ZCWPW2: variants seen among roughly 807,000 people sequenced by gnomAD.
The protein encoded by ZCWPW2 is zinc finger CW-type PWWP domain protein 2.
ZCWPW2 carries 45 observed loss-of-function variants against 46.6 expected under a neutral mutation model. The observed-to-expected ratio is 0.96, with a 90% CI of 0.76 to 1.24. The LOEUF (loss-of-function observed/expected upper bound fraction) is 1.24, where lower values mean the gene tolerates loss of function less well. Among genes scored for constraint, ZCWPW2 ranks in the 50% most tolerant of loss-of-function variants. The pLI is 0.00. For synonymous variants in ZCWPW2, 152 were observed against 137.1 expected, an observed-to-expected ratio of 1.11 and a Z score of -0.76; for missense variants, 429 against 403.9, an observed-to-expected ratio of 1.06 and a Z score of -0.53.
chr3:28,512,338 T>C (rs931700691), intron 6 of ZCWPW2, among the ~76,000 whole-genome samples: 1 of 152,008 alleles, frequency 6.6e-6, no homozygotes, highest in African/African-American at 2.4e-5. Context: ...CCACCATGCC[T>C]GGCTGATTTT....
At chr3:28,447,804 G>A (rs1041057124) in intron 4 of ZCWPW2, 2 of 858,002 alleles carry the variant, frequency 2.3e-6, no homozygotes, top group Admixed American at 1.7e-5. Flanking sequence ...TGAACCCCTG[G>A]CAATAGAATT....
chr3:28,362,090 G>C lies in ZCWPW2; in HGVS notation c.-134+12887G>C, dbSNP rs549960142. 2.0e-5 allele frequency among the ~76,000 whole-genome samples: 3 copies of C among 152,024 alleles called. No homozygotes were observed. In the South Asian group the frequency reaches 6.2e-4, roughly 32 times the overall value. ...CTATATTCTCGTGTTCATTGCAGTC[G>C]CTCACAGTGACCAAAAGGTGGATAC... On this transcript the variant is annotated intron_variant, in intron 1 of 9. Coordinates refer to ENST00000383768, the MANE Select transcript of ZCWPW2 (RefSeq NM_001040432.4).
intron 4 of ZCWPW2, among the ~76,000 whole-genome samples, chr3:28,448,447 AGAAAT>A (rs1430473393): frequency 6.6e-6 from 1 of 152,168 alleles, no homozygotes; most frequent in African/African-American, 2.4e-5. Flanking sequence ...ATAAATAAAT[AGAAAT>A]ATGTTCCATG....
chr3:28,405,595 C>A (rs967649478), intron 2 of ZCWPW2, among the ~76,000 whole-genome samples: 12 of 152,142 alleles, frequency 7.9e-5, no homozygotes, highest in Non-Finnish European at 5.9e-5. Flanking sequence ...CCTGCCTCAG[C>A]CTCCCAAGTA....
At chr3:28,492,276 A>G (rs1470248975) in intron 6 of ZCWPW2, 103 bp downstream of exon 6, 2 of 1,068,700 alleles carry the variant, frequency 1.9e-6, no homozygotes, top group Non-Finnish European at 2.6e-6. Context: ...ATGACATACA[A>G]TCCATTTTTT....
chr3:28,407,436 T>A (rs1696210550), intron 2 of ZCWPW2, among the ~76,000 whole-genome samples: 1 of 152,226 alleles, frequency 6.6e-6, no homozygotes, highest in South Asian at 2.1e-4. Flanking sequence ...TTTGAATTGA[T>A]GTTTAAAGTC....
chr3:28,370,148 C>G (rs948064746), intron 1 of ZCWPW2, among the ~76,000 whole-genome samples: 1 of 152,168 alleles, frequency 6.6e-6, no homozygotes, highest in African/African-American at 2.4e-5. Flanking sequence ...ATGCTTGGTG[C>G]GCTGCACCCA....
chr3:28,466,086 A>G (rs570771770), intron 4 of ZCWPW2, among the ~76,000 whole-genome samples: 1 of 152,352 alleles, frequency 6.6e-6, no homozygotes, highest in Admixed American at 6.5e-5. Context: ...CAGAAAGCCA[A>G]ATACTGCATG....
At chr3:28,524,365 A>G (rs1700799907) in intron 9 of ZCWPW2, among the ~76,000 whole-genome samples, 162 bp from the exon 10 acceptor site, 1 of 152,096 alleles carries the variant, frequency 6.6e-6, no homozygotes, top group African/African-American at 2.4e-5. Context: ...ATATTAACAC[A>G]TTCATCCTGC....
Position 28,450,737 on chromosome 3 carries a change from A to G in ZCWPW2, c.492+15468A>G, listed in dbSNP as rs73825166. ...TAAGATATTCCTATATACATATAGA[A>G]CTATTTTGGGGGGTACCAGAGATCA... is the stretch of plus-strand genomic sequence containing the variant. On this transcript the variant is annotated intron_variant, in intron 4 of 9. Transcript: ENST00000383768. Among the ~76,000 whole-genome samples the G allele has an allele frequency of 5.0e-3, 757 of 152,264 alleles. 11 individuals carry two copies. Among genetic ancestry groups the G allele is most frequent in the African/African-American group, 0.017 (703 of 41,544 alleles).
chr3:28,474,801 CTATT>C (rs1173382843), intron 4 of ZCWPW2, among the ~76,000 whole-genome samples: 1 of 103,992 alleles, frequency 9.6e-6, no homozygotes, highest in Non-Finnish European at 2.1e-5. Context: ...TATGTCTGAA[CTATT>C]TGTTGTTGTT....
At chr3:28,421,625 C>T (rs1319870340) in intron 3 of ZCWPW2, among the ~76,000 whole-genome samples, 1 of 151,882 alleles carries the variant, frequency 6.6e-6, no homozygotes, top group African/African-American at 2.4e-5. Flanking sequence ...CTTCAGTACC[C>T]AGCTGAGGAA....
At chr3:28,349,775 G>A (rs1577154277) in intron 1 of ZCWPW2, among the ~76,000 whole-genome samples, 1 of 152,030 alleles carries the variant, frequency 6.6e-6, no homozygotes, top group East Asian at 1.9e-4. Flanking sequence ...GTCACTAACC[G>A]CCGATTAGCA....
At chr3:28,460,326 T>A (rs988596131) in intron 4 of ZCWPW2, among the ~76,000 whole-genome samples, 1 of 151,982 alleles carries the variant, frequency 6.6e-6, no homozygotes, top group Non-Finnish European at 1.5e-5. Flanking sequence ...ATAAGTTGTT[T>A]TGATCTTAAA....
At chr3:28,522,938 G>T (rs1575238032) in intron 9 of ZCWPW2, among the ~76,000 whole-genome samples, 1 of 152,090 alleles carries the variant, frequency 6.6e-6, no homozygotes, top group East Asian at 1.9e-4. Context: ...AGTGTTAGCG[G>T]TTTCTTTTCA....
intron 4 of ZCWPW2, among the ~76,000 whole-genome samples, chr3:28,473,481 AAAAC>A (rs1244457263): frequency 2.0e-5 from 3 of 152,094 alleles, no homozygotes; most frequent in Non-Finnish European, 4.4e-5. Flanking sequence ...TCGCAAAAAA[AAAAC>A]AAAAAAATAG....
intron 5 of ZCWPW2, among the ~76,000 whole-genome samples, chr3:28,479,891 A>T (rs1699370437): frequency 6.6e-6 from 1 of 152,140 alleles, no homozygotes; most frequent in Non-Finnish European, 1.5e-5. Flanking sequence ...CATGGTGTAC[A>T]GGTACCATAT....
intron 4 of ZCWPW2, among the ~76,000 whole-genome samples, chr3:28,439,429 G>T (rs544448937): frequency 6.6e-6 from 1 of 152,056 alleles, no homozygotes; most frequent in Non-Finnish European, 1.5e-5. Context: ...ATTAAGGGTG[G>T]CTCTGCCTTT....
chr3:28,459,047 C>T (rs1163884018), intron 4 of ZCWPW2, among the ~76,000 whole-genome samples: 1 of 152,058 alleles, frequency 6.6e-6, no homozygotes, highest in Non-Finnish European at 1.5e-5. Flanking sequence ...GCTTGCTGGT[C>T]GTCACATTCT....
Sources: allele counts gnomAD v4.1 joint callset (sites outside exome capture counted in the v4.1 genomes callset), GRCh38; gene constraint gnomAD v4.1.1; transcripts MANE v1.5; gene names NCBI Gene and HGNC (gene_info 2026-07-23, HGNC 2026-07-21).